The following FOXP2 variants were observed in gnomAD, a reference collection of about 807,000 sequenced individuals.
FOXP2 encodes the protein forkhead box P2.
A neutral mutation model predicts 115.8 loss-of-function variants in FOXP2; 12 were observed. That is an observed-to-expected ratio of 0.10 (90% CI 0.07 to 0.17). FOXP2 has a LOEUF of 0.17. Among genes scored for constraint, FOXP2 ranks in the 10% least tolerant of loss-of-function variants. The pLI is 1.00. For synonymous variants in FOXP2, 328 were observed against 297.7 expected (o/e 1.10, Z -1.05); for missense variants, 629 against 843.5 (o/e 0.75, Z 3.15).
At chr7:114,682,020 T>A (rs1343335295) in intron 16 of FOXP2, among the ~76,000 whole-genome samples, 1 of 152,190 alleles carries the variant, frequency 6.6e-6, no homozygotes, top group Non-Finnish European at 1.5e-5. Context: ...GTTCAGTGTT[T>A]ATTGATCACT....
rs35933398 is a variant in FOXP2 at position 114,495,483 on chromosome 7, C to CTTTTTTTTTTTTTTTT, written c.169-39119_169-39104dup. Among the ~76,000 whole-genome samples, 85 of 61,474 alleles carry CTTTTTTTTTTTTTTTT rather than the reference C, an allele frequency of 1.4e-3. 3 individuals carry two copies. Among genetic ancestry groups the CTTTTTTTTTTTTTTTT allele is most frequent in the East Asian group, 2.6e-3 (4 of 1,564 alleles). 40.3% of individuals were successfully genotyped at this position (61,474 alleles called of 152,430 possible). The stretch of plus-strand genomic sequence containing the variant: ...TTCTTTGTTTTTTCTTTCTCTCTCT[C>CTTTTTTTTTTTTTTTT]TTTTTTTTTTTTTTTTTTTTTTTTT... On this transcript the variant is annotated intron_variant, in intron 2 of 16. Coordinates refer to ENST00000350908, the MANE Select transcript of FOXP2 (RefSeq NM_014491.4).
chr7:114,533,861 C>T (rs1799253663), intron 2 of FOXP2, among the ~76,000 whole-genome samples: 2 of 151,810 alleles, frequency 1.3e-5, no homozygotes, highest in Non-Finnish European at 2.9e-5. Context: ...TGTTCCTCCT[C>T]CAGTAAATGA....
intron 2 of FOXP2, among the ~76,000 whole-genome samples, chr7:114,336,569 T>C (rs1388719650): frequency 1.3e-5 from 2 of 151,616 alleles, no homozygotes; most frequent in African/African-American, 4.8e-5. Context: ...GAAATAAGGA[T>C]TTCTTGCACC....
At chr7:114,399,076 A>T (rs1219084121) in intron 2 of FOXP2, among the ~76,000 whole-genome samples, 2 of 151,074 alleles carry the variant, frequency 1.3e-5, no homozygotes, top group East Asian at 3.9e-4. Context: ...CTTTCTGTAA[A>T]TTGAATATTC....
At chr7:114,475,636 A>C (rs1796223285) in intron 2 of FOXP2, among the ~76,000 whole-genome samples, 1 of 152,020 alleles carries the variant, frequency 6.6e-6, no homozygotes, top group Non-Finnish European at 1.5e-5. Flanking sequence ...TTAAAAGTAA[A>C]ACATTTTTAA....
At chr7:114,301,567 G>C (rs1395342660) in intron 2 of FOXP2, among the ~76,000 whole-genome samples, 1 of 152,056 alleles carries the variant, frequency 6.6e-6, no homozygotes, top group Non-Finnish European at 1.5e-5. Flanking sequence ...CTTCATCTCT[G>C]CTACCATCTG....
chr7:114,164,629 C>A (rs902957508), intron 1 of FOXP2, among the ~76,000 whole-genome samples: 1 of 152,100 alleles, frequency 6.6e-6, no homozygotes, highest in Admixed American at 6.6e-5. Flanking sequence ...CATAAGCCAC[C>A]GTGCCCGGCC....
intron 3 of FOXP2, among the ~76,000 whole-genome samples, chr7:114,581,206 T>A (rs535372712): frequency 7.6e-4 from 114 of 150,158 alleles, no homozygotes; most frequent in Non-Finnish European, 8.1e-4. Context: ...TATTTTGAGA[T>A]GCAGTCTGGC....
intron 2 of FOXP2, among the ~76,000 whole-genome samples, chr7:114,381,274 A>T (rs1393322562): frequency 6.6e-6 from 1 of 152,150 alleles, no homozygotes; most frequent in East Asian, 1.9e-4. Context: ...ACCTGGTATG[A>T]GCAGAGCTGA....
At chr7:114,145,467 T>TTTTC (rs1344265484) in intron 1 of FOXP2, among the ~76,000 whole-genome samples, 6 of 145,526 alleles carry the variant, frequency 4.1e-5, no homozygotes, top group Non-Finnish European at 8.9e-5. Context: ...TTTTCTTTTC[T>TTTTC]TTTCTTTTCT....
chr7:114,151,371 A>G (rs916485987), intron 1 of FOXP2, among the ~76,000 whole-genome samples: 13 of 152,104 alleles, frequency 8.5e-5, no homozygotes. Flanking sequence ...TTCATAATGA[A>G]TTATGATTTT....
chr7:114,688,931 C>A (rs1255898592), intron 16 of FOXP2, among the ~76,000 whole-genome samples: 1 of 152,006 alleles, frequency 6.6e-6, no homozygotes, highest in African/African-American at 2.4e-5. Flanking sequence ...TTTCTATTAA[C>A]AAGATAAAAA....
intron 1 of FOXP2, among the ~76,000 whole-genome samples, chr7:114,211,316 G>A (rs1794342330): frequency 6.6e-6 from 1 of 152,208 alleles, no homozygotes; most frequent in African/African-American, 2.4e-5. Flanking sequence ...ACAGCTCTGT[G>A]TATCAGACCC....
At position 114,550,536 on chromosome 7, in the gene FOXP2, T is replaced by C. The variant is rs1032089961; in HGVS notation, c.258+15830T>C. 4.6e-5 allele frequency among the ~76,000 whole-genome samples: 7 copies of C among 152,334 alleles called. No individual in the cohort carries two copies. The East Asian group carries it at 1.4e-3, about 29-fold the overall frequency. On this transcript the variant is annotated intron_variant, in intron 3 of 16. Transcript: ENST00000350908. Reference sequence around the variant, plus strand: ...ACAAACAAAAAATCAGCCCACTGTTTAATCTGGTCTTCAAGCTCCATATTG... The same window carrying C: ...ACAAACAAAAAATCAGCCCACTGTTCAATCTGGTCTTCAAGCTCCATATTG...
chr7:114,581,014 C>T (rs1173846564), intron 3 of FOXP2, among the ~76,000 whole-genome samples: 5 of 150,662 alleles, frequency 3.3e-5, no homozygotes, highest in Non-Finnish European at 7.4e-5. Flanking sequence ...GAATCTATAG[C>T]AGTAGAGAAC....
At chr7:114,215,407 A>G (rs987483722) in intron 1 of FOXP2, among the ~76,000 whole-genome samples, 1 of 152,154 alleles carries the variant, frequency 6.6e-6, no homozygotes, top group Non-Finnish European at 1.5e-5. Context: ...AGATAATAAA[A>G]TTTGCATATT....
chr7:114,208,760 T>G (rs980631266), intron 1 of FOXP2, among the ~76,000 whole-genome samples: 12 of 151,994 alleles, frequency 7.9e-5, no homozygotes, highest in Non-Finnish European at 1.6e-4. Context: ...AAGGAGGAGT[T>G]TTCCTCCACA....
chr7:114,210,083 T>C (rs1194026143), intron 1 of FOXP2, among the ~76,000 whole-genome samples: 1 of 152,204 alleles, frequency 6.6e-6, no homozygotes. Flanking sequence ...CATGCTTCTT[T>C]TGCTCAGTAA....
At chr7:114,195,402 A>G (rs79825089) in intron 1 of FOXP2, among the ~76,000 whole-genome samples, 3,217 of 152,240 alleles carry the variant, frequency 0.021, 58 homozygotes, top group African/African-American at 0.052. Flanking sequence ...CAGCTCATTG[A>G]TAGACAAATA....
Sources: allele counts gnomAD v4.1 joint callset (sites outside exome capture counted in the v4.1 genomes callset), GRCh38; gene constraint gnomAD v4.1.1; transcripts MANE v1.5; gene names NCBI Gene and HGNC (gene_info 2026-07-23, HGNC 2026-07-21).